FOXN3: variants seen among roughly 807,000 people sequenced by gnomAD.
The protein encoded by FOXN3 is forkhead box protein N3.
Under a neutral mutation model 38.4 loss-of-function variants are expected in FOXN3, and 7 were observed. The ratio of observed to expected loss-of-function variants is 0.18; its 90% confidence interval spans 0.10 to 0.34. The LOEUF is 0.34. FOXN3 is among the 10% of genes least tolerant of loss of function. The pLI, the probability that FOXN3 is intolerant of heterozygous loss-of-function variation, is 1.00. For synonymous variants in FOXN3, 230 were observed against 242.2 expected, an observed-to-expected ratio of 0.95 and a Z score of 0.47; for missense variants, 456 against 613.4, an observed-to-expected ratio of 0.74 and a Z score of 2.71.
chr14:89,422,467 A>G (rs987903332), intron 1 of FOXN3, among the ~76,000 whole-genome samples: 1 of 152,188 alleles, frequency 6.6e-6, no homozygotes, highest in Non-Finnish European at 1.5e-5. Context: ...AACCAAGAGG[A>G]TTTGTCAAAT....
chr14:89,365,968 T>C (rs1194039025), intron 2 of FOXN3, among the ~76,000 whole-genome samples: 1 of 152,194 alleles, frequency 6.6e-6, no homozygotes, highest in Non-Finnish European at 1.5e-5. Flanking sequence ...AACTTTATTA[T>C]AGGCCGAGCC....
At position 89,556,152 on chromosome 14, in the gene FOXN3, CCAGCACTTTGG is replaced by C. The variant is rs111711379; in HGVS notation, c.-15+62865_-15+62875del. Among the ~76,000 whole-genome samples the C allele has an allele frequency of 5.0e-3, 756 of 152,106 alleles. 7 individuals are homozygous for C. Among genetic ancestry groups the C allele is most frequent in the African/African-American group, 0.017 (712 of 41,496 alleles). On this transcript the variant is annotated intron_variant, in intron 1 of 6. Transcript: ENST00000345097. ...GGTGTGATGGCTTATGCCAAGAATCCCAGCACTTTGGGAGGCTGGGGCGGGGGGATCACCTG... is the reference window on the plus strand; with the variant it reads ...GGTGTGATGGCTTATGCCAAGAATCCGAGGCTGGGGCGGGGGGATCACCTG...
At chr14:89,191,965 CATATATAT>C (rs1048781417) in intron 4 of FOXN3, among the ~76,000 whole-genome samples, 1 of 71,026 alleles carries the variant, frequency 1.4e-5, no homozygotes, top group African/African-American at 1.0e-4. Context: ...TATATATACA[CATATATAT>C]AACTATAATA....
intron 2 of FOXN3, among the ~76,000 whole-genome samples, chr14:89,378,554 A>G (rs553472875): frequency 1.3e-5 from 2 of 152,328 alleles, no homozygotes; most frequent in African/African-American, 4.8e-5. Flanking sequence ...TAAAAGAAAC[A>G]TTCTCAGGCT....
chr14:89,559,218 A>G (rs938567256), intron 1 of FOXN3, among the ~76,000 whole-genome samples: 1 of 152,082 alleles, frequency 6.6e-6, no homozygotes, highest in Admixed American at 6.6e-5. Context: ...CATCTCTGCA[A>G]AAAATACAAA....
intron 1 of FOXN3, among the ~76,000 whole-genome samples, chr14:89,601,589 G>T (rs1370785622): frequency 2.0e-5 from 3 of 152,108 alleles, no homozygotes; most frequent in Non-Finnish European, 4.4e-5. Flanking sequence ...TGATATTGAG[G>T]CCAATAACCT....
In FOXN3 at chr14:89,187,454, C is replaced by T. The variant is rs79332078; in HGVS notation, c.746-6648G>A. Among the ~76,000 whole-genome samples the T allele has an allele frequency of 9.8e-4, 150 of 152,340 alleles. 1 individual carries two copies. Among genetic ancestry groups the T allele is most frequent in the Admixed American group, 1.6e-3 (25 of 15,310 alleles). ...GGACACAGGCACACAAACACCCCTACATAGGCTGCCCACACACCATCACTG... is the reference window on the plus strand; with the variant it reads ...GGACACAGGCACACAAACACCCCTATATAGGCTGCCCACACACCATCACTG... On this transcript the variant is annotated intron_variant, in intron 4 of 5. Transcript: ENST00000557258.
intron 3 of FOXN3, among the ~76,000 whole-genome samples, chr14:89,348,634 C>T (rs896130449): frequency 3.3e-5 from 5 of 152,006 alleles, no homozygotes; most frequent in Non-Finnish European, 7.4e-5. Flanking sequence ...ATCTAAGCAC[C>T]GCATGGGCAG....
chr14:89,255,545 G>A (rs549052712), intron 4 of FOXN3, among the ~76,000 whole-genome samples: 2 of 152,256 alleles, frequency 1.3e-5, no homozygotes, highest in South Asian at 2.1e-4. Context: ...CCAGAGGCTA[G>A]ATGGGATCTT....
At chr14:89,492,093 C>T (rs530819771) in intron 1 of FOXN3, among the ~76,000 whole-genome samples, 11 of 152,348 alleles carry the variant, frequency 7.2e-5, no homozygotes, top group African/African-American at 2.4e-4. Context: ...AACTAGTCAT[C>T]CAAGTAGTTC....
intron 4 of FOXN3, chr14:89,230,715 C>T: frequency 6.7e-6 from 2 of 297,000 alleles, no homozygotes; most frequent in South Asian, 2.9e-5. Context: ...TCAAGAACTG[C>T]ACTACGCACA....
At chr14:89,287,881 AT>A (rs1566947256) in intron 3 of FOXN3, among the ~76,000 whole-genome samples, 1 of 151,628 alleles carries the variant, frequency 6.6e-6, no homozygotes, top group East Asian at 1.9e-4. Context: ...AAAATAAAAC[AT>A]TTTTTTATTC....
At position 89,440,604 on chromosome 14, in the gene FOXN3, C is replaced by T. The variant is rs189395641; in HGVS notation, c.-14-28114G>A. The stretch of plus-strand genomic sequence containing the variant: ...CACCCCCACTGAGCACCTTGCGACC[C>T]CGACTCCTGCCCGCCAGAGAACAAA... On this transcript the variant is annotated intron_variant, in intron 1 of 6. Coordinates refer to the FOXN3 transcript ENST00000345097. Among the ~76,000 whole-genome samples, 24 of 152,320 alleles carry T rather than the reference C, an allele frequency of 1.6e-4. No individual in the cohort carries two copies. In the East Asian group the frequency reaches 4.6e-3, roughly 29 times the overall value.
At chr14:89,517,420 C>A (rs1208004567) in intron 1 of FOXN3, among the ~76,000 whole-genome samples, 2 of 150,400 alleles carry the variant, frequency 1.3e-5, no homozygotes, top group African/African-American at 4.9e-5. Flanking sequence ...ACAGGAAGCA[C>A]GATGGCTTCT....
At chr14:89,436,861 CT>C (rs1223869440) in intron 1 of FOXN3, among the ~76,000 whole-genome samples, 6 of 152,152 alleles carry the variant, frequency 3.9e-5, no homozygotes, top group African/African-American at 1.4e-4. Context: ...AAAAGTATGG[CT>C]TAGGCCAGGC....
chr14:89,437,925 T>G (rs566143597), intron 1 of FOXN3, among the ~76,000 whole-genome samples: 1 of 152,362 alleles, frequency 6.6e-6, no homozygotes, highest in South Asian at 2.1e-4. Context: ...GGTTACTACA[T>G]GACAGACAAT....
intron 1 of FOXN3, among the ~76,000 whole-genome samples, chr14:89,471,409 C>G (rs1353521047): frequency 6.6e-6 from 1 of 152,036 alleles, no homozygotes; most frequent in Non-Finnish European, 1.5e-5. Context: ...CAAGACTAGC[C>G]TGGATAACAT....
intron 1 of FOXN3, among the ~76,000 whole-genome samples, chr14:89,468,901 C>T (rs1192022661): frequency 6.6e-6 from 1 of 152,178 alleles, no homozygotes; most frequent in East Asian, 1.9e-4. Flanking sequence ...GTCTGTGCAT[C>T]ATACATTTTG....
chr14:89,442,688 C>G (rs1566657884), intron 1 of FOXN3, among the ~76,000 whole-genome samples: 1 of 152,160 alleles, frequency 6.6e-6, no homozygotes, highest in Non-Finnish European at 1.5e-5. Flanking sequence ...CACGGGATGA[C>G]TGGCTGTCTA....
Sources: gnomAD v4.1 joint callset for allele counts (sites outside exome capture counted in the v4.1 genomes callset) on GRCh38, gnomAD v4.1.1 for gene constraint, MANE v1.5 for transcripts, NCBI Gene and HGNC (gene_info 2026-07-23, HGNC 2026-07-21) for gene names.